Variants in PSD3 observed in about 807,000 individuals in gnomAD.
PSD3 encodes PH and SEC7 domain-containing protein 3.
PSD3 carries 49 observed loss-of-function variants against 105.5 expected under a neutral mutation model. That is an observed-to-expected ratio of 0.46 (90% CI 0.37 to 0.59). The LOEUF (loss-of-function observed/expected upper bound fraction) is 0.59. PSD3 is among the 20% of genes least tolerant of loss of function. PSD3 has a pLI of 0.00. For synonymous variants in PSD3, 557 were observed against 457.8 expected, an observed-to-expected ratio of 1.22 and a Z score of -2.77; for missense variants, 1,561 against 1,263.8, an observed-to-expected ratio of 1.24 and a Z score of -3.57.
intron 4 of PSD3, among the ~76,000 whole-genome samples, chr8:18,852,013 A>C (rs546624115): frequency 1.3e-5 from 2 of 152,346 alleles, no homozygotes; most frequent in African/African-American, 4.8e-5. Flanking sequence ...TAAACTAATC[A>C]CACAACAGTT....
intron 2 of PSD3, among the ~76,000 whole-genome samples, chr8:18,922,910 C>A (rs1821124912): frequency 6.6e-6 from 1 of 152,188 alleles, no homozygotes. Context: ...ACACCGCCGT[C>A]CTGGAACCTC....
chr8:18,920,438 G>A (rs1820932940), intron 2 of PSD3, among the ~76,000 whole-genome samples: 2 of 152,326 alleles, frequency 1.3e-5, no homozygotes, highest in South Asian at 4.1e-4. Flanking sequence ...TTCGAGTGTG[G>A]ACAGATACAG....
At chr8:18,617,889 T>C (rs1282669950) in intron 11 of PSD3, among the ~76,000 whole-genome samples, 5 of 152,144 alleles carry the variant, frequency 3.3e-5, no homozygotes, top group African/African-American at 1.2e-4. Flanking sequence ...CCAAAATGCA[T>C]TTTCTTTGAC....
intron 12 of PSD3, among the ~76,000 whole-genome samples, chr8:18,598,902 T>A (rs2717748): frequency 6.6e-6 from 1 of 151,810 alleles, no homozygotes; most frequent in Non-Finnish European, 1.5e-5. Flanking sequence ...AAGACACAAA[T>A]AAATGAAAAG....
chr8:18,932,914 C>A (rs527778841), intron 2 of PSD3, among the ~76,000 whole-genome samples: 1 of 152,346 alleles, frequency 6.6e-6, no homozygotes, highest in African/African-American at 2.4e-5. Flanking sequence ...AGTTCAACTT[C>A]CACCTCCTCC....
chr8:18,999,293 C>G (rs1256745648), intron 1 of PSD3, among the ~76,000 whole-genome samples: 1 of 151,934 alleles, frequency 6.6e-6, no homozygotes, highest in Middle Eastern at 3.4e-3. Context: ...CACAAGTTAC[C>G]CGGGAAGACA....
At chr8:18,845,737 G>C (rs1009194232) in intron 4 of PSD3, among the ~76,000 whole-genome samples, 1 of 152,118 alleles carries the variant, frequency 6.6e-6, no homozygotes, top group Admixed American at 6.5e-5. Context: ...GGTCGTTGGA[G>C]ACCAGCCAGA....
At chr8:18,973,667 C>T (rs1225178583) in intron 1 of PSD3, among the ~76,000 whole-genome samples, 1 of 152,164 alleles carries the variant, frequency 6.6e-6, no homozygotes, top group Non-Finnish European at 1.5e-5. Flanking sequence ...CATAACAGGA[C>T]TCAATCCTAA....
chr8:18,882,666 A>C (rs1818183901), intron 2 of PSD3, among the ~76,000 whole-genome samples: 1 of 152,106 alleles, frequency 6.6e-6, no homozygotes, highest in South Asian at 2.1e-4. Context: ...TGTGTTGTCC[A>C]ATTTGGTAGC....
At chr8:18,677,079 T>C (rs1800102728) in intron 9 of PSD3, among the ~76,000 whole-genome samples, 1 of 152,244 alleles carries the variant, frequency 6.6e-6, no homozygotes, top group South Asian at 2.1e-4. Flanking sequence ...AGGAGCATAG[T>C]GTGCTCAACA....
At chr8:18,741,199 G>C (rs1054622408) in intron 9 of PSD3, among the ~76,000 whole-genome samples, 7 of 152,190 alleles carry the variant, frequency 4.6e-5, no homozygotes, top group East Asian at 3.8e-4. Flanking sequence ...ACGGTCCAGA[G>C]AACGAGCGAA....
intron 9 of PSD3, among the ~76,000 whole-genome samples, chr8:18,755,368 T>A (rs1481319961): frequency 6.6e-6 from 1 of 152,072 alleles, no homozygotes; most frequent in African/African-American, 2.4e-5. Context: ...AGGTAGAGGT[T>A]GCAGTGAGCC....
At chr8:18,892,850 T>C (rs1300757612) in intron 2 of PSD3, among the ~76,000 whole-genome samples, 1 of 151,780 alleles carries the variant, frequency 6.6e-6, no homozygotes, top group East Asian at 1.9e-4. Flanking sequence ...GTCTCAAACT[T>C]CCGGCCTCAA....
chr8:18,914,803 G>C (rs1820476162), intron 2 of PSD3, among the ~76,000 whole-genome samples: 1 of 152,154 alleles, frequency 6.6e-6, no homozygotes, highest in African/African-American at 2.4e-5. Context: ...CAGATCCAAT[G>C]TAACACTTAT....
chr8:18,752,225 A>G lies in PSD3; in HGVS notation c.2172+13224T>C, dbSNP rs1265444599. Among the ~76,000 whole-genome samples the G allele has an allele frequency of 1.1e-4, 16 of 151,206 alleles. No homozygotes were observed. In the Admixed American group the frequency reaches 1.1e-3, roughly 10 times the overall value. The stretch of plus-strand genomic sequence containing the variant: ...TACTTACACACATTAACAATTCTAC[A>G]TACAATATCAAGTTGTACATGCAGA... On this transcript the variant is annotated intron_variant, in intron 9 of 15. Coordinates refer to ENST00000327040, the MANE Select transcript of PSD3 (RefSeq NM_015310.4).
At chr8:18,566,245 C>T (rs930235718) in intron 14 of PSD3, among the ~76,000 whole-genome samples, 3 of 152,260 alleles carry the variant, frequency 2.0e-5, no homozygotes, top group African/African-American at 7.2e-5. Flanking sequence ...AAAATCCTTG[C>T]TGGGCAGGGT....
intron 9 of PSD3, among the ~76,000 whole-genome samples, chr8:18,662,304 G>T (rs560692835): frequency 1.2e-4 from 18 of 152,288 alleles, no homozygotes; most frequent in African/African-American, 4.3e-4. Flanking sequence ...AGGTACAGAT[G>T]AATCTGTTCT....
At chr8:19,023,192 C>T (rs763604778) in intron 1 of PSD3, among the ~76,000 whole-genome samples, 2 of 152,126 alleles carry the variant, frequency 1.3e-5, no homozygotes, top group African/African-American at 2.4e-5. Context: ...TCATTTACAA[C>T]CACATTGTGA....
At chr8:18,559,632 TA>T (rs1272687819) in intron 14 of PSD3, among the ~76,000 whole-genome samples, 1 of 1,956 alleles carries the variant, frequency 5.1e-4, no homozygotes, top group Non-Finnish European at 0.011. Context: ...TACAAACTTC[TA>T]TTTTTTTTTA....
Sources: gnomAD v4.1 joint callset for allele counts (sites outside exome capture counted in the v4.1 genomes callset) on GRCh38, gnomAD v4.1.1 for gene constraint, MANE v1.5 for transcripts, NCBI Gene and HGNC (gene_info 2026-07-23, HGNC 2026-07-21) for gene names.